The following SLC22A17 variants were observed in gnomAD, a reference collection of about 807,000 sequenced individuals.
SLC22A17 encodes the protein 24p3 receptor.
Under a neutral mutation model 53.6 loss-of-function variants are expected in SLC22A17, and 38 were observed. The observed-to-expected ratio is 0.71, with a 90% CI of 0.55 to 0.93. The LOEUF is 0.93. Among genes scored for constraint, SLC22A17 ranks in the 40% least tolerant of loss-of-function variants. The pLI is 0.00. For missense variants in SLC22A17, 704 were observed against 791.0 expected (o/e 0.89, Z 1.32); for synonymous variants, 379 against 353.0 (o/e 1.07, Z -0.82).
Position 23,348,177 on chromosome 14 carries a change from G to T in SLC22A17, c.1155C>A (p.Ala385=), listed in dbSNP as rs1182292704. The T allele has an allele frequency of 6.2e-7, 1 of 1,613,994 alleles. No individual in the cohort carries two copies. Among genetic ancestry groups the T allele is most frequent in the South Asian group, 1.1e-5 (1 of 91,084 alleles). The change falls in exon 6 of 10, where the codon GCC becomes GCA. Residue 385 remains alanine (A), a synonymous_variant. Coordinates refer to ENST00000397267, the Ensembl canonical transcript of SLC22A17. The surrounding 1 kb of genome is among the most constrained non-coding windows in gnomAD (Gnocchi z 4.5). ...GTCTCTTACCCTGCAGGGCCTCCTG[G>T]GCCTCCTCCCCCAGCATCTGCCCAT...
In SLC22A17 at chr14:23,347,152, G is replaced by A. The variant is rs572113206; in HGVS notation, c.1610C>T (p.Ala537Val). 5 of 1,613,966 alleles carry A rather than the reference G, an allele frequency of 3.1e-6. No homozygotes were observed. In the East Asian group the frequency reaches 6.7e-5, roughly 22 times the overall value. Reference sequence around the variant, plus strand: ...AGCAAGGAGGGTGCTGAGGATGGCGGCAGCTTGGGAGGAGAAGAGCCCAAG... The same window carrying A: ...AGCAAGGAGGGTGCTGAGGATGGCGACAGCTTGGGAGGAGAAGAGCCCAAG... The change falls in exon 9 of 10, where the codon GCC (alanine) becomes GTC (valine). Residue 537 changes from alanine (A) to valine (V), a missense_variant. By Grantham distance (64) the Ala-to-Val change is moderately conservative (BLOSUM62 0). Transcript: ENST00000397267. This position sits in a 1 kb window ranked among gnomAD's most constrained non-coding sequence, Gnocchi z 5.1.
At chr14:23,346,863 T>G in exon 10 of SLC22A17, 1 of 1,539,074 alleles carries the variant, frequency 6.5e-7, no homozygotes, top group Non-Finnish European at 8.7e-7. Context: ...CCATGGCCCA[T>G]GTGGAGGCGC....
exon 10 of SLC22A17, chr14:23,346,795 A>G (rs1393071501): frequency 9.1e-6 from 14 of 1,542,278 alleles, no homozygotes; most frequent in Non-Finnish European, 1.1e-5. Flanking sequence ...GCAGCAGCAT[A>G]ATGCTGAGAA....
At chr14:23,349,949 T>C (rs756138108) in intron 3 of SLC22A17, among the ~76,000 whole-genome samples, 1 of 152,074 alleles carries the variant, frequency 6.6e-6, no homozygotes, top group Non-Finnish European at 1.5e-5. Context: ...GGGGACTGAG[T>C]AATTGATTTT....
At chr14:23,351,843 A>G (rs943838172) in exon 3 of SLC22A17, 12 of 1,613,276 alleles carry the variant, frequency 7.4e-6, no homozygotes, top group Non-Finnish European at 1.0e-5. Flanking sequence ...CCCAGGTCAC[A>G]CACCAGATCC....
At chr14:23,349,961 G>A (rs1889520089) in intron 3 of SLC22A17, among the ~76,000 whole-genome samples, 1 of 152,124 alleles carries the variant, frequency 6.6e-6, no homozygotes, top group Non-Finnish European at 1.5e-5. Flanking sequence ...ATTGATTTTT[G>A]GAGATGAGGC....
At chr14:23,350,878 T>C (rs1294822640) in intron 3 of SLC22A17, 2 of 152,206 alleles carry the variant, frequency 1.3e-5, no homozygotes, top group Non-Finnish European at 2.9e-5. Context: ...GGATGGGTAT[T>C]GATTTTAAGG....
rs371642669 is a variant in SLC22A17 at position 23,346,939 on chromosome 14, G to A, written c.1662-3C>T. 25 of 1,528,826 alleles carry A rather than the reference G, an allele frequency of 1.6e-5. 1 individual carries two copies. The Admixed American group carries it at 2.8e-4, about 17-fold the overall frequency. The allele number at this position is 1,528,826 out of a possible 1,614,324, so 94.7% of individuals were successfully genotyped here. On this transcript the variant is annotated splice_region_variant and splice_polypyrimidine_tract_variant and intron_variant, in intron 9 of 9. Transcript: ENST00000397267. ...TGATCAGGCCCAGGCCACGGCCCCT[G>A]GGGGGAGACAGAGGAGGAGCTCAGC...
At chr14:23,349,174 A>T (rs1174928430) in intron 4 of SLC22A17, 98 bp downstream of exon 4, 1 of 1,478,220 alleles carries the variant, frequency 6.8e-7, no homozygotes, top group Non-Finnish European at 9.5e-7. Context: ...GATTCTAGGC[A>T]GCTGAAATGT....
Position 23,347,653 on chromosome 14 carries a change from A to C in SLC22A17, c.1356T>G (p.Ser452=), listed in dbSNP as rs778220326. 21 of 1,613,918 alleles carry C rather than the reference A, an allele frequency of 1.3e-5. No individual in the cohort carries two copies. Among genetic ancestry groups the C allele is most frequent in the Non-Finnish European group, 1.7e-5 (20 of 1,180,028 alleles). The change falls in exon 8 of 10, where the codon TCT becomes TCG. Residue 452 remains serine, a synonymous_variant. Transcript: ENST00000397267. This position sits in a 1 kb window ranked among gnomAD's most constrained non-coding sequence, Gnocchi z 5.1. ...GGGCTGCGGTGCCGCTGGCCAGCAG[A>C]GAGCACAGGTAGAAGTCCGATGGGC...
At position 23,352,395 on chromosome 14, in the gene SLC22A17, C is replaced by T. The variant is rs781295071; in HGVS notation, c.153G>A (p.Glu51=). 7.6e-5 allele frequency: 46 copies of T among 603,092 alleles called. No individual in the cohort carries two copies. Among genetic ancestry groups the T allele is most frequent in the Admixed American group, 1.6e-4 (4 of 25,374 alleles). 37.4% of individuals were successfully genotyped at this position (603,092 alleles called of 1,614,324 possible). A position where few individuals can be genotyped will look rare whatever the true frequency, so the allele number is the denominator to read the frequency against. Residue 51 remains glutamate (E), a synonymous_variant, in exon 2 of 10, where the codon GAG becomes GAA. Transcript: ENST00000397267. The surrounding 1 kb of genome is among the most constrained non-coding windows in gnomAD (Gnocchi z 7.2). ...CGTCTCCCTCCCCCTCCCGCTCGCG[C>T]TCCCGCTCACCCTGCAGCTGCTCCG...
chr14:23,346,866 G>A (rs1201722345), exon 10 of SLC22A17: 1 of 1,538,748 alleles, frequency 6.5e-7, no homozygotes, highest in Non-Finnish European at 8.7e-7. Flanking sequence ...TGGCCCATGT[G>A]GAGGCGCTGG....
exon 10 of SLC22A17, chr14:23,346,825 C>G (rs368307678): frequency 6.5e-7 from 1 of 1,540,642 alleles, no homozygotes; most frequent in Non-Finnish European, 8.7e-7. Context: ...GGGCGCAGGC[C>G]GCCAGCACCA....
At position 23,348,934 on chromosome 14, in the gene SLC22A17, T is replaced by C. The variant is rs1889433553; in HGVS notation, c.860-263A>G. On this transcript the variant is annotated intron_variant, in intron 4 of 9. Coordinates refer to ENST00000397267, the Ensembl canonical transcript of SLC22A17. The surrounding 1 kb of genome is among the most constrained non-coding windows in gnomAD (Gnocchi z 4.5). ...TTCAACATTTCCAATTTATAGGCCC[T>C]TTCCCATCAGGCCTCTTATTTGACC... 2 of 592,896 alleles carry C rather than the reference T, an allele frequency of 3.4e-6. No individual in the cohort carries two copies. The highest frequency in any genetic ancestry group is 3.7e-5 in the African/African-American group (2 of 53,734). The allele number at this position is 592,896 out of a possible 1,614,324, so 36.7% of individuals were successfully genotyped here.
rs1889303189 is a variant in SLC22A17 at position 23,347,602 on chromosome 14, G to A, written c.1407C>T (p.Thr469=). The A allele has an allele frequency of 3.1e-6, 5 of 1,613,844 alleles. No individual in the cohort carries two copies. The highest frequency in any genetic ancestry group is 2.2e-5 in the East Asian group (1 of 44,884). Residue 469 remains threonine (T), a synonymous_variant, in exon 8 of 10, where the codon ACC becomes ACT. Coordinates refer to ENST00000397267, the Ensembl canonical transcript of SLC22A17. The surrounding 1 kb of genome is among the most constrained non-coding windows in gnomAD (Gnocchi z 5.1). Reference sequence around the variant, plus strand: ...TGCCCCGGCGGCCAAATCGGTCCACGGTGACCCCCAGGAAGACACAGGCCA... The same window carrying A: ...TGCCCCGGCGGCCAAATCGGTCCACAGTGACCCCCAGGAAGACACAGGCCA...
At chr14:23,346,653 G>T (rs758779706) in exon 10 of SLC22A17, 1 of 1,494,664 alleles carries the variant, frequency 6.7e-7, no homozygotes, top group Admixed American at 2.1e-5. Flanking sequence ...GCCGCTCAGA[G>T]GGCAGGGTTG....
chr14:23,349,683 G>A (rs530397030), intron 3 of SLC22A17: 3 of 548,592 alleles, frequency 5.5e-6, no homozygotes, highest in African/African-American at 3.8e-5. Context: ...AGAGATTAGG[G>A]CACTTGTCAA....
chr14:23,350,974 C>T (rs575351995), intron 3 of SLC22A17: 1 of 152,274 alleles, frequency 6.6e-6, no homozygotes, highest in Admixed American at 6.5e-5. Context: ...ATCAATGGGG[C>T]TGAGTCTAAT....
At position 23,348,583 on chromosome 14, in the gene SLC22A17, G is replaced by A. The variant is rs1385031734; in HGVS notation, c.948C>T (p.Gly316=). The change falls in exon 5 of 10, where the codon GGC becomes GGT. Residue 316 remains glycine (G), a synonymous_variant. Transcript: ENST00000397267. This position sits in a 1 kb window ranked among gnomAD's most constrained non-coding sequence, Gnocchi z 4.5. ...GCCAATCCTTAGAGACAAGGGCCAG[G>A]CCCAGGAACAGGAAGTGCCCTCCCA... 3 of 1,613,990 alleles carry A rather than the reference G, an allele frequency of 1.9e-6. No homozygotes were observed. Among genetic ancestry groups the A allele is most frequent in the Non-Finnish European group, 1.7e-6 (2 of 1,179,994 alleles).
Sources: allele counts gnomAD v4.1 joint callset (sites outside exome capture counted in the v4.1 genomes callset), GRCh38; gene constraint gnomAD v4.1.1; non-coding constraint Gnocchi (gnomAD v3.1); transcripts MANE v1.5; gene names NCBI Gene and HGNC (gene_info 2026-07-23, HGNC 2026-07-21).